Variants in JAK2 observed in about 807,000 individuals in gnomAD.
JAK2 encodes Janus kinase 2.
Under a neutral mutation model 139.3 loss-of-function variants are expected in JAK2, and 86 were observed. That is an observed-to-expected ratio of 0.62 (90% confidence interval 0.52 to 0.74). JAK2 has a LOEUF of 0.74. Among genes scored for constraint, JAK2 ranks in the 30% least tolerant of loss-of-function variants. The pLI, the probability that JAK2 is intolerant of heterozygous loss-of-function variation, is 0.00. For missense variants in JAK2, 1,421 were observed against 1,360.3 expected (o/e 1.04, Z -0.70); for synonymous variants, 490 against 437.7 (o/e 1.12, Z -1.49).
At chr9:5,102,240 G>A (rs766508963) in intron 22 of JAK2, among the ~76,000 whole-genome samples, 21 of 152,140 alleles carry the variant, frequency 1.4e-4, no homozygotes, top group Non-Finnish European at 2.4e-4. Context: ...ACTACAGGAC[G>A]CATGCACAAG....
chr9:5,074,716 G>A (rs1819196681), intron 14 of JAK2, among the ~76,000 whole-genome samples: 1 of 152,174 alleles, frequency 6.6e-6, no homozygotes, highest in Non-Finnish European at 1.5e-5. Flanking sequence ...ATGTTCAAGT[G>A]AAAGGAAGAT....
At chr9:5,074,949 A>T (rs1036759240) in intron 14 of JAK2, among the ~76,000 whole-genome samples, 12 of 152,196 alleles carry the variant, frequency 7.9e-5, no homozygotes, top group African/African-American at 2.9e-4. Context: ...TGAAAGTGCT[A>T]CTCCTGTGAG....
In JAK2 at chr9:5,087,182, A is replaced by G. The variant is rs191768059; in HGVS notation, c.2572-2492A>G. Among the ~76,000 whole-genome samples the G allele has an allele frequency of 3.3e-5, 5 of 152,338 alleles. No homozygotes were observed. In the East Asian group the frequency reaches 9.6e-4, roughly 29 times the overall value. ...CGAGACTGGGTAATTTATAAAGGAAAGAGGTTTAATTGACTGACAGTTACC... is the reference window on the plus strand; with the variant it reads ...CGAGACTGGGTAATTTATAAAGGAAGGAGGTTTAATTGACTGACAGTTACC... On this transcript the variant is annotated intron_variant, in intron 19 of 24. Transcript: ENST00000381652.
intron 2 of JAK2, among the ~76,000 whole-genome samples, chr9:4,988,279 G>C (rs895005669): frequency 6.6e-6 from 1 of 152,152 alleles, no homozygotes; most frequent in African/African-American, 2.4e-5. Context: ...TTCAATATTA[G>C]ATACCTACAC....
intron 2 of JAK2, among the ~76,000 whole-genome samples, chr9:5,012,382 A>T (rs34140014): frequency 1.2e-4 from 18 of 152,058 alleles, no homozygotes; most frequent in Non-Finnish European, 2.5e-4. Flanking sequence ...ATATATTTTT[A>T]AAAAGTTTAT....
At chr9:5,082,670 A>G (rs531393072) in intron 19 of JAK2, among the ~76,000 whole-genome samples, 2 of 152,346 alleles carry the variant, frequency 1.3e-5, no homozygotes, top group East Asian at 3.9e-4. Context: ...AACCTTGGAC[A>G]TTACCCGGCT....
intron 22 of JAK2, 36 bp from the exon 23 acceptor site, chr9:5,122,968 G>T (rs1189693702): frequency 7.4e-7 from 1 of 1,344,162 alleles, no homozygotes; most frequent in South Asian, 1.3e-5. Context: ...CACATATCAA[G>T]TAACTGTCTT....
chr9:5,096,653 CT>C (rs1821015870), intron 22 of JAK2: 1 of 152,216 alleles, frequency 6.6e-6, no homozygotes, highest in Non-Finnish European at 1.5e-5. Flanking sequence ...CCATTTTACC[CT>C]TTTTTCCACT....
At chr9:5,088,162 C>T (rs1040406235) in intron 19 of JAK2, among the ~76,000 whole-genome samples, 18 of 152,026 alleles carry the variant, frequency 1.2e-4, no homozygotes, top group African/African-American at 3.4e-4. Flanking sequence ...GAATTGTCCG[C>T]GGTCACAGAG....
chr9:5,049,788 G>T (rs1436124933), intron 5 of JAK2, among the ~76,000 whole-genome samples: 1 of 152,130 alleles, frequency 6.6e-6, no homozygotes, highest in Non-Finnish European at 1.5e-5. Context: ...ATATGTTATA[G>T]CCTAGTATAT....
At chr9:5,089,974 A>G in intron 20 of JAK2, 111 bp downstream of exon 20, 2 of 591,434 alleles carry the variant, frequency 3.4e-6, no homozygotes, top group Non-Finnish European at 5.2e-6. Flanking sequence ...GCCCAGAGGG[A>G]GAGGCATTCT....
At position 5,068,902 on chromosome 9, in the gene JAK2, C is replaced by T. The variant is rs111474033; in HGVS notation, c.1327-120C>T. ...TTCTATCACTATACTGGCACTACAT[C>T]GGATTCATGGTTCAAATGTTTATTC... On this transcript the variant is annotated intron_variant, in intron 10 of 24. Coordinates refer to ENST00000381652, the MANE Select transcript of JAK2 (RefSeq NM_004972.4). The T allele has an allele frequency of 1.8e-3, 1,084 of 599,292 alleles. 6 individuals carry two copies. The highest frequency in any genetic ancestry group is 0.016 in the African/African-American group (823 of 52,716). 37.1% of individuals were successfully genotyped at this position (599,292 alleles called of 1,614,324 possible).
chr9:5,075,396 G>T (rs1819242035), intron 14 of JAK2, among the ~76,000 whole-genome samples: 1 of 152,168 alleles, frequency 6.6e-6, no homozygotes, highest in Admixed American at 6.6e-5. Context: ...AGCTTCGAAG[G>T]ACAGGCTGAC....
chr9:5,027,667 C>G (rs1400101897), intron 3 of JAK2, among the ~76,000 whole-genome samples: 1 of 152,208 alleles, frequency 6.6e-6, no homozygotes, highest in Non-Finnish European at 1.5e-5. Flanking sequence ...AGTTGATTCA[C>G]TCAAACCCTG....
chr9:5,054,905 CTTG>C lies in JAK2; in HGVS notation c.936+24_936+26del, dbSNP rs1563961186. 6.7e-7 allele frequency: 1 copy of C among 1,496,786 alleles called. No individual in the cohort carries two copies. The highest frequency in any genetic ancestry group is 9.1e-7 in the Non-Finnish European group (1 of 1,103,336). 92.7% of individuals were successfully genotyped at this position (1,496,786 alleles called of 1,614,324 possible). A position where few individuals can be genotyped will look rare whatever the true frequency, so the allele number is the denominator to read the frequency against. ...AACAGGTAATCCTTAATGATATGTT[CTTG>C]TTCTTTGTTATTTTAAGTACAATGG... On this transcript the variant is annotated intron_variant, in intron 7 of 24. Coordinates refer to ENST00000381652, the MANE Select transcript of JAK2 (RefSeq NM_004972.4). This position sits in a 1 kb window ranked among gnomAD's most constrained non-coding sequence, Gnocchi z 4.9.
chr9:5,093,593 T>C (rs1462425113), intron 22 of JAK2, among the ~76,000 whole-genome samples: 1 of 152,172 alleles, frequency 6.6e-6, no homozygotes, highest in East Asian at 1.9e-4. Flanking sequence ...CTTAACCTAC[T>C]ATCTCTGCAT....
In JAK2 at chr9:5,055,728, C is replaced by T; in HGVS notation, c.996C>T (p.Asn332=). ...TTGATGTCAGTATTAAGCAAGCAAA[C>T]CAAGAGGGTTCAAATGAAAGCCGAG... ...NIIDVSIKQA[N]QEGSNESRVV... Residue 332 remains asparagine, a synonymous_variant, in exon 8 of 25, where the codon AAC becomes AAT. Transcript: ENST00000381652. The T allele has an allele frequency of 6.2e-7, 1 of 1,607,378 alleles. No homozygotes were observed.
At chr9:5,111,962 C>T in intron 22 of JAK2, 1 of 349,952 alleles carries the variant, frequency 2.9e-6, no homozygotes, top group South Asian at 2.2e-5. Flanking sequence ...GGTCCAGCCC[C>T]TCCACCGCCG....
intron 19 of JAK2, chr9:5,086,061 T>C (rs1226003073): frequency 5.7e-6 from 4 of 706,958 alleles, no homozygotes; most frequent in Non-Finnish European, 7.9e-6. Flanking sequence ...AAGATTAAAA[T>C]AGGGTATCTG....
Sources: allele counts gnomAD v4.1 joint callset (sites outside exome capture counted in the v4.1 genomes callset), GRCh38; gene constraint gnomAD v4.1.1; non-coding constraint Gnocchi (gnomAD v3.1); transcripts MANE v1.5; gene names NCBI Gene and HGNC (gene_info 2026-07-23, HGNC 2026-07-21).